The following FAF1 variants were observed in gnomAD, a reference collection of about 807,000 sequenced individuals.
FAF1 encodes FAS-associated factor 1.
A neutral mutation model predicts 92.5 loss-of-function variants in FAF1; 25 were observed. That is an observed-to-expected ratio of 0.27 (90% CI 0.20 to 0.38). FAF1 has a LOEUF of 0.38. FAF1 is among the 10% of genes least tolerant of loss of function. FAF1 has a pLI of 1.00. For missense variants in FAF1, 636 were observed against 793.3 expected, an observed-to-expected ratio of 0.80 and a Z score of 2.38; for synonymous variants, 234 against 273.2, an observed-to-expected ratio of 0.86 and a Z score of 1.42.
intron 6 of FAF1, among the ~76,000 whole-genome samples, chr1:50,722,374 C>T (rs1340438532): frequency 1.3e-5 from 2 of 152,132 alleles, no homozygotes; most frequent in Non-Finnish European, 2.9e-5. Context: ...TAAGGCCGGG[C>T]GCGGTGGCTC....
chr1:50,571,988 G>GTT (rs143778922), intron 12 of FAF1, among the ~76,000 whole-genome samples: 1 of 152,140 alleles, frequency 6.6e-6, no homozygotes, highest in Non-Finnish European at 1.5e-5. Flanking sequence ...GTAGTTCATA[G>GTT]TTTTTTTCAG....
chr1:50,598,901 T>A (rs1173847054), intron 8 of FAF1, among the ~76,000 whole-genome samples: 1 of 151,872 alleles, frequency 6.6e-6, no homozygotes, highest in Non-Finnish European at 1.5e-5. Flanking sequence ...ACCTGGGAAG[T>A]GGAGGTTGCA....
rs1305270370 is a variant in FAF1, at chr1:50,584,720, C to A, written c.932G>T (p.Gly311Val). ...TTTTCTCAAGGCAGATGACGCCATG[C>A]CAAATACTTCTCCATCATCCACCCC... ...EFGVDDGEVF[G>V]MASSALRKSP... The change falls in exon 10 of 19, where the codon GGC becomes GTC. Residue 311 changes from glycine (G) to valine (V), a missense_variant. Around this residue, in one of 2 missense-constraint regions of FAF1, gnomAD observed 319 missense variants for 451.0 expected, o/e 0.71. Transcript: ENST00000396153. 1 of 1,613,640 alleles carries A rather than the reference C, an allele frequency of 6.2e-7. No individual in the cohort carries two copies. Among genetic ancestry groups the A allele is most frequent in the East Asian group, 2.2e-5 (1 of 44,840 alleles).
At chr1:50,761,746 A>G (rs1274675498) in intron 4 of FAF1, among the ~76,000 whole-genome samples, 1 of 152,192 alleles carries the variant, frequency 6.6e-6, no homozygotes, top group Non-Finnish European at 1.5e-5. Flanking sequence ...TGAATGGGCA[A>G]AAACTGGAAG....
intron 1 of FAF1, among the ~76,000 whole-genome samples, chr1:50,935,474 CT>C (rs112833489): frequency 0.1 from 14,314 of 139,168 alleles, 700 homozygotes; most frequent in African/African-American, 0.14. Context: ...TTTACTCTCT[CT>C]TTTTTTTTTT....
chr1:50,747,892 G>A (rs948399616), intron 4 of FAF1, among the ~76,000 whole-genome samples: 7 of 152,080 alleles, frequency 4.6e-5, no homozygotes, highest in African/African-American at 1.2e-4. Flanking sequence ...TTCCTCCTGC[G>A]CTGGCAATGT....
At chr1:50,802,724 C>T (rs1662042737) in intron 2 of FAF1, among the ~76,000 whole-genome samples, 1 of 152,272 alleles carries the variant, frequency 6.6e-6, no homozygotes, top group Non-Finnish European at 1.5e-5. Context: ...ATAAGCCCAA[C>T]TTTTCCAACT....
At chr1:50,780,750 CA>C (rs1462300482) in intron 4 of FAF1, 1 of 294,186 alleles carries the variant, frequency 3.4e-6, no homozygotes, top group African/African-American at 2.2e-5. Flanking sequence ...TGCTGGAGAA[CA>C]AATCACCCCG....
intron 1 of FAF1, among the ~76,000 whole-genome samples, chr1:50,860,028 A>G (rs1251356761): frequency 6.6e-6 from 1 of 151,784 alleles, no homozygotes; most frequent in Non-Finnish European, 1.5e-5. Flanking sequence ...ATAAACAAAC[A>G]GTGCTGGGAT....
chr1:50,438,921 G>A lies in FAF1; in HGVS notation c.*2519C>T, dbSNP rs1269247407. ...GTAGTGCCAGAGAATGGCAACATCC[G>A]AAATCAGAAACCTCCAAAAAAATCC... is the stretch of plus-strand genomic sequence containing the variant. On this transcript the variant is annotated 3_prime_UTR_variant, in exon 19 of 19. Coordinates refer to ENST00000396153, the MANE Select transcript of FAF1 (RefSeq NM_007051.3). 2 of 151,812 alleles carry A rather than the reference G, an allele frequency of 1.3e-5. No homozygotes were observed. Among genetic ancestry groups the A allele is most frequent in the Admixed American group, 6.5e-5 (1 of 15,280 alleles). 9.4% of individuals were successfully genotyped at this position (151,812 alleles called of 1,614,324 possible). A position where few individuals can be genotyped will look rare whatever the true frequency, so the allele number is the denominator to read the frequency against.
At chr1:50,770,252 C>T (rs1226418080) in intron 4 of FAF1, among the ~76,000 whole-genome samples, 1 of 152,074 alleles carries the variant, frequency 6.6e-6, no homozygotes, top group Non-Finnish European at 1.5e-5. Context: ...GAAGTCCTAG[C>T]CAGAGCAATC....
intron 2 of FAF1, among the ~76,000 whole-genome samples, chr1:50,828,944 T>G (rs1398693259): frequency 6.6e-6 from 1 of 152,160 alleles, no homozygotes; most frequent in African/African-American, 2.4e-5. Context: ...AAAACTCTTG[T>G]AAATCAACAG....
Position 50,625,474 on chromosome 1 carries a change from C to T in FAF1, c.745-29258G>A, listed in dbSNP as rs144705156. Among the ~76,000 whole-genome samples the T allele has an allele frequency of 1.8e-4, 27 of 152,164 alleles. No individual in the cohort carries two copies. In the East Asian group the frequency reaches 5.0e-3, roughly 28 times the overall value. On this transcript the variant is annotated intron_variant, in intron 8 of 18. Transcript: ENST00000396153. ...CTAATTTTACCAATGTGGTTAAGTC[C>T]CACAATCAATGCTTTGGTAGTACAA...
In FAF1 at chr1:50,582,688, C is replaced by T; in HGVS notation, c.1043G>A (p.Cys348Tyr). ...TGAGCCAATAAAAAATACAGGATGG[C>T]AATCACCATATCTATAGGAAAAAGT... is the stretch of plus-strand genomic sequence containing the variant. ...TAEFSSRYGD[C>Y]HPVFFIGSLE... Residue 348 changes from cysteine (C) to tyrosine (Y), a missense_variant, in exon 12 of 19, where the codon TGC (cysteine) becomes TAC (tyrosine). Cys to Tyr is a radical substitution (Grantham distance 194). Coordinates refer to ENST00000396153, the MANE Select transcript of FAF1 (RefSeq NM_007051.3). 1 of 1,605,682 alleles carries T rather than the reference C, an allele frequency of 6.2e-7. No homozygotes were observed. The highest frequency in any genetic ancestry group is 1.1e-5 in the South Asian group (1 of 90,886).
chr1:50,650,415 T>C (rs1654810123), intron 8 of FAF1, among the ~76,000 whole-genome samples: 2 of 151,480 alleles, frequency 1.3e-5, no homozygotes, highest in South Asian at 4.2e-4. Flanking sequence ...AGGCCAAAAG[T>C]TCAAGACCAG....
chr1:50,852,334 A>T (rs143941771), intron 2 of FAF1, among the ~76,000 whole-genome samples: 2,454 of 152,316 alleles, frequency 0.016, 42 homozygotes, highest in Non-Finnish European at 0.021. Flanking sequence ...CAAACAATAG[A>T]GAAAGAACAG....
intron 7 of FAF1, among the ~76,000 whole-genome samples, chr1:50,693,132 T>C (rs1657013059): frequency 6.6e-6 from 1 of 152,230 alleles, no homozygotes; most frequent in African/African-American, 2.4e-5. Context: ...GAGAAACCAT[T>C]ACCTAACCCA....
rs1184477141 is a variant in FAF1 at position 50,437,321 on chromosome 1, G to T, written c.*4119C>A. 6.6e-6 allele frequency: 1 copy of T among 151,712 alleles called. No homozygotes were observed. Among genetic ancestry groups the T allele is most frequent in the Non-Finnish European group, 1.5e-5 (1 of 67,962 alleles). The allele number at this position is 151,712 out of a possible 1,614,324, so 9.4% of individuals were successfully genotyped here. ...ATTCTTAAAATTTTTTGATCAATAG[G>T]TCCCACTGAGAATCTGATGAATACA... On this transcript the variant is annotated 3_prime_UTR_variant, in exon 19 of 19. Coordinates refer to ENST00000396153, the MANE Select transcript of FAF1 (RefSeq NM_007051.3).
chr1:50,446,170 T>C (rs776921238), intron 18 of FAF1, among the ~76,000 whole-genome samples: 4 of 152,092 alleles, frequency 2.6e-5, no homozygotes, highest in Non-Finnish European at 4.4e-5. Context: ...ATCTAAAGCT[T>C]AGAGAGGTCA....
Sources: gnomAD v4.1 joint callset for allele counts (sites outside exome capture counted in the v4.1 genomes callset) on GRCh38, gnomAD v4.1.1 for gene constraint, gnomAD v4.1.1 regional missense constraint, MANE v1.5 for transcripts, NCBI Gene and HGNC (gene_info 2026-07-23, HGNC 2026-07-21) for gene names.